MBOAT2: variants seen among roughly 807,000 people sequenced by gnomAD.
MBOAT2 encodes membrane-bound glycerophospholipid O-acyltransferase 2.
Under a neutral mutation model 63.4 loss-of-function variants are expected in MBOAT2, and 28 were observed. The observed-to-expected ratio is 0.44, with a 90% CI of 0.33 to 0.61. MBOAT2 has a LOEUF of 0.61. Ranked by LOEUF, MBOAT2 falls within the 20% of genes least tolerant of loss-of-function variation. MBOAT2 has a pLI of 0.03. For missense variants in MBOAT2, 470 were observed against 605.8 expected (o/e 0.78, Z 2.35); for synonymous variants, 211 against 215.6 (o/e 0.98, Z 0.19).
intron 1 of MBOAT2, among the ~76,000 whole-genome samples, chr2:8,970,542 G>C (rs1259065204): frequency 2.0e-5 from 3 of 152,148 alleles, no homozygotes; most frequent in Non-Finnish European, 4.4e-5. Flanking sequence ...GAAGGAGATA[G>C]AGACACAAAC....
chr2:8,949,163 C>T (rs1668636240), intron 2 of MBOAT2, among the ~76,000 whole-genome samples: 2 of 152,040 alleles, frequency 1.3e-5, no homozygotes, highest in African/African-American at 2.4e-5. Flanking sequence ...ATGCCTTTTG[C>T]CCATTTTTAA....
intron 2 of MBOAT2, among the ~76,000 whole-genome samples, chr2:8,956,016 T>C (rs1057035496): frequency 2.0e-5 from 3 of 152,206 alleles, no homozygotes; most frequent in South Asian, 2.1e-4. Flanking sequence ...GCATACTTAA[T>C]AGACCAGAAT....
intron 1 of MBOAT2, among the ~76,000 whole-genome samples, chr2:8,976,700 T>A (rs755666211): frequency 7.2e-5 from 11 of 152,140 alleles, no homozygotes; most frequent in Non-Finnish European, 1.3e-4. Context: ...TCCCTGTGTG[T>A]GCACATCGAC....
intron 4 of MBOAT2, among the ~76,000 whole-genome samples, chr2:8,889,872 T>C (rs1020124862): frequency 5.9e-5 from 9 of 152,200 alleles, no homozygotes; most frequent in Admixed American, 5.9e-4. Context: ...CTTGGGCCCC[T>C]GAACCCACAT....
intron 1 of MBOAT2, among the ~76,000 whole-genome samples, chr2:8,998,495 G>A (rs912004733): frequency 6.6e-6 from 1 of 151,936 alleles, no homozygotes; most frequent in East Asian, 1.9e-4. Context: ...CTATAAAATG[G>A]AATTCATCAT....
chr2:8,918,978 G>A (rs1445643881), intron 3 of MBOAT2, among the ~76,000 whole-genome samples: 4 of 152,066 alleles, frequency 2.6e-5, no homozygotes, highest in Middle Eastern at 3.2e-3. Context: ...GTCTTTTCTG[G>A]GAGTCTCATG....
intron 3 of MBOAT2, among the ~76,000 whole-genome samples, chr2:8,936,182 G>A (rs894373307): frequency 3.9e-5 from 6 of 152,266 alleles, no homozygotes; most frequent in South Asian, 2.1e-4. Context: ...GACAGAGTCT[G>A]TCTTTTTTAT....
chr2:8,882,395 T>C, intron 6 of MBOAT2, 116 bp downstream of exon 6: 1 of 1,041,468 alleles, frequency 9.6e-7, no homozygotes, highest in South Asian at 1.4e-5. Flanking sequence ...AGAGTGAGGC[T>C]TGATTTTCAG....
At chr2:8,968,227 T>C (rs1670151804) in intron 1 of MBOAT2, among the ~76,000 whole-genome samples, 1 of 152,192 alleles carries the variant, frequency 6.6e-6, no homozygotes, top group Non-Finnish European at 1.5e-5. Flanking sequence ...TCAGCAATAT[T>C]TGCTGTTCTG....
chr2:8,882,802 G>GA (rs1663239721), intron 5 of MBOAT2, among the ~76,000 whole-genome samples: 1 of 152,118 alleles, frequency 6.6e-6, no homozygotes, highest in Non-Finnish European at 1.5e-5. Context: ...TATAATTAAA[G>GA]AATTCCCAAA....
intron 1 of MBOAT2, among the ~76,000 whole-genome samples, chr2:8,987,276 A>G (rs1671637476): frequency 6.6e-6 from 1 of 152,188 alleles, no homozygotes; most frequent in Non-Finnish European, 1.5e-5. Context: ...TTATGACCAA[A>G]GTCCTCCCAG....
chr2:8,977,147 T>C (rs1253630753), intron 1 of MBOAT2, among the ~76,000 whole-genome samples: 1 of 152,138 alleles, frequency 6.6e-6, no homozygotes, highest in Non-Finnish European at 1.5e-5. Context: ...TGGATACCTA[T>C]GTCAAAACAC....
intron 2 of MBOAT2, among the ~76,000 whole-genome samples, chr2:8,948,999 C>T (rs1204124530): frequency 1.3e-5 from 2 of 152,064 alleles, no homozygotes; most frequent in Non-Finnish European, 2.9e-5. Flanking sequence ...TGCCAATATC[C>T]GTTGTGTTTT....
intron 1 of MBOAT2, among the ~76,000 whole-genome samples, chr2:8,974,798 T>C (rs1457211553): frequency 6.6e-6 from 1 of 152,176 alleles, no homozygotes; most frequent in Non-Finnish European, 1.5e-5. Flanking sequence ...AGTAATTACC[T>C]CATCTCCCTA....
intron 4 of MBOAT2, among the ~76,000 whole-genome samples, chr2:8,904,401 T>C (rs1380150959): frequency 1.3e-5 from 2 of 151,656 alleles, no homozygotes; most frequent in African/African-American, 4.8e-5. Flanking sequence ...AGCCTCAACC[T>C]CCGAAACTCA....
intron 2 of MBOAT2, among the ~76,000 whole-genome samples, chr2:8,951,363 C>T (rs1454495242): frequency 6.6e-6 from 1 of 152,142 alleles, no homozygotes; most frequent in Admixed American, 6.5e-5. Flanking sequence ...TGTCACCACA[C>T]CTGGCTAATT....
chr2:8,915,385 C>G (rs1038692413), intron 3 of MBOAT2, among the ~76,000 whole-genome samples: 6 of 152,156 alleles, frequency 3.9e-5, no homozygotes, highest in Non-Finnish European at 7.3e-5. Context: ...GATCTGATGG[C>G]TGCTGTAGCA....
intron 4 of MBOAT2, among the ~76,000 whole-genome samples, chr2:8,888,557 G>T (rs568166084): frequency 6.6e-6 from 1 of 152,210 alleles, no homozygotes; most frequent in Non-Finnish European, 1.5e-5. Flanking sequence ...AAATCATGAT[G>T]TATTTTAAAG....
chr2:8,953,859 A>C (rs1299928804), intron 2 of MBOAT2, among the ~76,000 whole-genome samples: 1 of 152,074 alleles, frequency 6.6e-6, no homozygotes, highest in East Asian at 1.9e-4. Context: ...TTGATTTTCA[A>C]CTTTGTCTTG....
Sources: gnomAD v4.1 joint callset for allele counts (sites outside exome capture counted in the v4.1 genomes callset) on GRCh38, gnomAD v4.1.1 for gene constraint, MANE v1.5 for transcripts, NCBI Gene and HGNC (gene_info 2026-07-23, HGNC 2026-07-21) for gene names.